ATP7B: variants seen among roughly 807,000 people sequenced by gnomAD.
ATP7B encodes the protein ATPase copper transporting beta.
In ATP7B, 113 loss-of-function variants were observed where a neutral mutation model predicts 118.9. The observed-to-expected ratio is 0.95, with a 90% CI of 0.82 to 1.11. The LOEUF is 1.11. ATP7B is among the 50% of genes most tolerant of loss of function. The pLI, the probability that ATP7B is intolerant of heterozygous loss-of-function variation, is 0.00. For synonymous variants in ATP7B, 777 were observed against 727.4 expected, an observed-to-expected ratio of 1.07 and a Z score of -1.10; for missense variants, 1,867 against 1,871.4, an observed-to-expected ratio of 1.00 and a Z score of 0.04.
chr13:51,962,018 T>A, intron 5 of ATP7B, 105 bp from the exon 6 acceptor site: 1 of 934,556 alleles, frequency 1.1e-6, no homozygotes, highest in Non-Finnish European at 1.7e-6. Flanking sequence ...AAAGTGAATC[T>A]AAAAGTGCCT....
intron 1 of ATP7B, among the ~76,000 whole-genome samples, chr13:51,981,827 T>C (rs1200867072): frequency 1.3e-5 from 2 of 152,156 alleles, no homozygotes; most frequent in African/African-American, 4.8e-5. Flanking sequence ...CAAACTTAAA[T>C]TAAAAAAACA....
intron 4 of ATP7B, among the ~76,000 whole-genome samples, chr13:51,965,327 T>A (rs1405874095): frequency 6.6e-6 from 1 of 152,190 alleles, no homozygotes; most frequent in Non-Finnish European, 1.5e-5. Context: ...TGGGCTTTTA[T>A]AAGCCCCTCT....
chr13:51,943,021 G>A (rs1292105490), intron 14 of ATP7B, among the ~76,000 whole-genome samples: 1 of 152,218 alleles, frequency 6.6e-6, no homozygotes, highest in East Asian at 1.9e-4. Flanking sequence ...ATAACTGCCT[G>A]TATATCAGAC....
In ATP7B at chr13:51,941,833, C is replaced by CA. The variant is rs1412610073; in HGVS notation, c.3412+552dup. On this transcript the variant is annotated intron_variant, in intron 15 of 20. Transcript: ENST00000242839. Reference sequence around the variant, plus strand: ...GCTTCTAACCACACAATCTAAGCCACAATTTCACTACCAACACTTAGGAAA... The same window carrying CA: ...GCTTCTAACCACACAATCTAAGCCACAAATTTCACTACCAACACTTAGGAAA... Among the ~76,000 whole-genome samples, 7 of 122,462 alleles carry CA rather than the reference C, an allele frequency of 5.7e-5. No individual in the cohort carries two copies. In the Admixed American group the frequency reaches 6.1e-4, roughly 11 times the overall value. The allele number at this position is 122,462 out of a possible 152,430, so 80.3% of individuals were successfully genotyped here. A position where few individuals can be genotyped will look rare whatever the true frequency, so the allele number is the denominator to read the frequency against.
intron 15 of ATP7B, among the ~76,000 whole-genome samples, chr13:51,942,075 A>C (rs1028201085): frequency 2.6e-5 from 4 of 152,208 alleles, no homozygotes; most frequent in African/African-American, 9.6e-5. Flanking sequence ...AGGAAGAACG[A>C]AAGTGGAATT....
chr13:51,945,742 T>G (rs1448085127), intron 13 of ATP7B, among the ~76,000 whole-genome samples: 1 of 152,202 alleles, frequency 6.6e-6, no homozygotes, highest in Admixed American at 6.5e-5. Context: ...CAGAACCCAG[T>G]GCAGGGCTCA....
intron 1 of ATP7B, among the ~76,000 whole-genome samples, chr13:51,995,503 G>C (rs1953160983): frequency 6.6e-6 from 1 of 152,172 alleles, no homozygotes; most frequent in African/African-American, 2.4e-5. Flanking sequence ...GAGTTGCCAG[G>C]AAGGACTGCT....
At chr13:51,953,855 A>AAAAAAAAAAAAAAC (rs1409048220) in intron 9 of ATP7B, among the ~76,000 whole-genome samples, 1 of 150,712 alleles carries the variant, frequency 6.6e-6, no homozygotes, top group Non-Finnish European at 1.5e-5. Flanking sequence ...CAATTGTAAA[A>AAAAAAAAAAAAAAC]AAAAAAAAAA....
intron 17 of ATP7B, among the ~76,000 whole-genome samples, chr13:51,938,582 C>A (rs1957116600): frequency 6.6e-6 from 1 of 152,212 alleles, no homozygotes. Context: ...ACTGGAGCCG[C>A]TGCTGTGTGA....
intron 1 of ATP7B, among the ~76,000 whole-genome samples, chr13:52,003,907 A>C (rs375724340): frequency 5.3e-5 from 8 of 152,216 alleles, no homozygotes; most frequent in African/African-American, 1.9e-4. Context: ...CCAAAGTTCT[A>C]GCCAATGGAA....
rs1952021944 is a variant in ATP7B at position 51,974,743 on chromosome 13, G to A, written c.477C>T (p.Ser159=). Reference sequence around the variant, plus strand: ...GTTTCCGGACCTTGCCTTCAATGGAGCTGACACAGGACTGGCAGGTCATGC... The same window carrying A: ...GTTTCCGGACCTTGCCTTCAATGGAACTGACACAGGACTGGCAGGTCATGC... ...VEGMTCQSCV[S]SIEGKVRKLQ... The change falls in exon 2 of 21, where the codon AGC becomes AGT. Residue 159 remains serine (S), a synonymous_variant. Coordinates refer to ENST00000242839, the MANE Select transcript of ATP7B (RefSeq NM_000053.4). The A allele has an allele frequency of 1.9e-6, 3 of 1,614,148 alleles. No individual in the cohort carries two copies. Among genetic ancestry groups the A allele is most frequent in the East Asian group, 4.5e-5 (2 of 44,878 alleles).
chr13:51,968,707 C>CCTAG, intron 3 of ATP7B, 100 bp from the exon 4 acceptor site: 1 of 1,401,812 alleles, frequency 7.1e-7, no homozygotes, highest in Non-Finnish European at 1.0e-6. Context: ...TTCCCAGAAT[C>CCTAG]CTCTAGAACA....
At chr13:51,990,575 T>C (rs779880500) in intron 1 of ATP7B, among the ~76,000 whole-genome samples, 73 of 152,386 alleles carry the variant, frequency 4.8e-4, no homozygotes, top group Non-Finnish European at 9.1e-4. Flanking sequence ...CTAATGTTTG[T>C]ATCCAGCAGA....
chr13:52,006,957 C>G (rs1953801400), intron 1 of ATP7B, among the ~76,000 whole-genome samples: 1 of 152,156 alleles, frequency 6.6e-6, no homozygotes, highest in Admixed American at 6.5e-5. Flanking sequence ...AGCACAGGGG[C>G]TGACCTCTCT....
intron 1 of ATP7B, 120 bp downstream of exon 1, chr13:52,011,167 T>C (rs1886175549): frequency 7.0e-7 from 1 of 1,418,894 alleles, no homozygotes; most frequent in Non-Finnish European, 1.0e-6. Context: ...TCCCTGGAGC[T>C]GGGGTCTGGC....
chr13:52,008,481 T>C (rs532190723), intron 1 of ATP7B, among the ~76,000 whole-genome samples: 2 of 152,194 alleles, frequency 1.3e-5, no homozygotes, highest in Non-Finnish European at 2.9e-5. Flanking sequence ...ACATGGTTGG[T>C]TCTTCTGGCA....
intron 1 of ATP7B, among the ~76,000 whole-genome samples, chr13:52,000,349 C>A (rs1953432768): frequency 6.6e-6 from 1 of 152,164 alleles, no homozygotes; most frequent in Non-Finnish European, 1.5e-5. Flanking sequence ...AGCAAAGTGG[C>A]TCCCTCAAGC....
rs190587596 is a variant in ATP7B, at chr13:51,991,234, G to A, written c.52-16066C>T. Among the ~76,000 whole-genome samples, 875 of 152,288 alleles carry A rather than the reference G, an allele frequency of 5.7e-3. 8 individuals carry two copies. Among genetic ancestry groups the A allele is most frequent in the African/African-American group, 0.02 (829 of 41,544 alleles). On this transcript the variant is annotated intron_variant, in intron 1 of 20. Coordinates refer to ENST00000242839, the MANE Select transcript of ATP7B (RefSeq NM_000053.4). ...GTGTCTAACATCAATCCTCCCTGCT[G>A]CAGTATAAATCTACTTCTAGTTCAT...
Position 51,937,338 on chromosome 13 carries a change from C to T in ATP7B, c.3959G>A (p.Arg1320Lys), listed in dbSNP as rs548512104. The change falls in exon 19 of 21, where the codon AGG (arginine) becomes AAG (lysine). Residue 1320 changes from arginine to lysine, a missense_variant. Coordinates refer to ENST00000242839, the MANE Select transcript of ATP7B (RefSeq NM_000053.4). ...SIHLSKRTVR[R>K]IRINLVLALI... ...TGCCAGGACCAGGTTGATGCGTATCCTTCGGACAGTCCTCTTGGAAAGGTG... is the reference window on the plus strand; with the variant it reads ...TGCCAGGACCAGGTTGATGCGTATCTTTCGGACAGTCCTCTTGGAAAGGTG... The T allele has an allele frequency of 1.1e-5, 17 of 1,614,190 alleles. 1 individual carries two copies. The South Asian group carries it at 1.6e-4, about 16-fold the overall frequency.
Sources: gnomAD v4.1 joint callset for allele counts (sites outside exome capture counted in the v4.1 genomes callset) on GRCh38, gnomAD v4.1.1 for gene constraint, MANE v1.5 for transcripts, NCBI Gene and HGNC (gene_info 2026-07-23, HGNC 2026-07-21) for gene names.